The following ZNF718 variants were observed in gnomAD, a reference collection of about 807,000 sequenced individuals.
The protein encoded by ZNF718 is zinc finger protein 718.
ZNF718 carries 3 observed loss-of-function variants against 2.6 expected under a neutral mutation model. That is an observed-to-expected ratio of 1.16 (90% CI 0.53 to 3.01). The LOEUF (loss-of-function observed/expected upper bound fraction) is 3.01. Ranked by LOEUF, ZNF718 falls within the 30% of genes most tolerant of loss-of-function variation. The pLI is 0.03. For missense variants in ZNF718, 468 were observed against 230.0 expected (o/e 2.03, Z -6.69); for synonymous variants, 135 against 77.9 (o/e 1.73, Z -3.86).
intron 3 of ZNF718, among the ~76,000 whole-genome samples, chr4:170,476 C>T (rs1350894387): frequency 1.3e-5 from 2 of 152,234 alleles, no homozygotes; most frequent in Admixed American, 1.3e-4. Context: ...CTGTCACTTT[C>T]AGGTACACCA....
At chr4:133,201 T>A (rs1469962189) in intron 3 of ZNF718, among the ~76,000 whole-genome samples, 1,682 of 17,346 alleles carry the variant, frequency 0.097, 162 homozygotes, top group African/African-American at 0.11. Context: ...AAAAAATATA[T>A]ATATATATAT....
chr4:134,946 G>T (rs115503695), intron 3 of ZNF718, among the ~76,000 whole-genome samples: 26 of 152,124 alleles, frequency 1.7e-4, no homozygotes, highest in Non-Finnish European at 3.2e-4. Flanking sequence ...AGTTAATGTA[G>T]AAAGTTTATT....
At chr4:129,853 A>G (rs1177012495) in intron 1 of ZNF718, among the ~76,000 whole-genome samples, 1 of 104,034 alleles carries the variant, frequency 9.6e-6, no homozygotes. Context: ...CCTGGGAAGC[A>G]TGGGACTACT....
chr4:165,362 T>TCC (rs1581468982), downstream of ZNF718, among the ~76,000 whole-genome samples: 1 of 152,174 alleles, frequency 6.6e-6, no homozygotes, highest in East Asian at 1.9e-4. Context: ...AAAGAAAAAT[T>TCC]TTATGAAATT....
At chr4:147,905 G>T (rs1382141236) in intron 3 of ZNF718, among the ~76,000 whole-genome samples, 1 of 152,116 alleles carries the variant, frequency 6.6e-6, no homozygotes, top group African/African-American at 2.4e-5. Flanking sequence ...TGGGGGTGCT[G>T]ATACAGTAAT....
In ZNF718 at chr4:161,740, C is replaced by T. The variant is rs116083456; in HGVS notation, c.1055C>T (p.Thr352Ile). Residue 352 changes from threonine (T) to isoleucine (I), a missense_variant, in exon 4 of 4, where the codon ACA becomes ATA. Transcript: ENST00000510175. ...EECGKSFNRS[T>I]TLTTHKRIHT... ...TGTGGAAAATCCTTTAATAGGTCCA[C>T]AACTCTTACGACACATAAGAGAATC... The T allele has an allele frequency of 7.7e-4, 601 of 779,904 alleles. 2 individuals carry two copies. In the African/African-American group the frequency reaches 8.5e-3, roughly 11 times the overall value. The allele number at this position is 779,904 out of a possible 1,614,324, so 48.3% of individuals were successfully genotyped here. A position where few individuals can be genotyped will look rare whatever the true frequency, so the allele number is the denominator to read the frequency against.
intron 3 of ZNF718, among the ~76,000 whole-genome samples, chr4:147,823 C>G (rs1716133825): frequency 6.6e-6 from 1 of 152,140 alleles, no homozygotes; most frequent in East Asian, 1.9e-4. Flanking sequence ...GAGATCACAC[C>G]ACTGCACTCC....
At chr4:157,099 CTTTCTTTTTTTTTTTTTTTT>C (rs1282425471) in intron 3 of ZNF718, among the ~76,000 whole-genome samples, 5 of 58,916 alleles carry the variant, frequency 8.5e-5, no homozygotes, top group African/African-American at 3.5e-4. Flanking sequence ...TTCTTTCTTT[CTTTCTTTTTTTTTTTTTTTT>C]TTTTTTTTTT....
At chr4:139,125 T>C (rs1715701030) in intron 3 of ZNF718, among the ~76,000 whole-genome samples, 1 of 152,208 alleles carries the variant, frequency 6.6e-6, no homozygotes, top group South Asian at 2.1e-4. Context: ...GCTCGTTAAC[T>C]GATGTGATTC....
At chr4:169,769 G>A (rs1256396889) in intron 3 of ZNF718, among the ~76,000 whole-genome samples, 2 of 152,110 alleles carry the variant, frequency 1.3e-5, no homozygotes, top group East Asian at 1.9e-4. Flanking sequence ...TTTCCTGAAT[G>A]CAGCACATTG....
At chr4:169,411 ACTTT>A (rs1553817542) in intron 3 of ZNF718, among the ~76,000 whole-genome samples, 1 of 151,696 alleles carries the variant, frequency 6.6e-6, no homozygotes, top group East Asian at 1.9e-4. Flanking sequence ...ATCCTTGTTA[ACTTT>A]CTGTCTCGTT....
chr4:179,056 T>C (rs1717405030), intron 3 of ZNF718, among the ~76,000 whole-genome samples: 1 of 152,360 alleles, frequency 6.6e-6, no homozygotes, highest in Non-Finnish European at 1.5e-5. Flanking sequence ...TAAAATATTT[T>C]CTTTGCATGC....
chr4:156,652 A>G (rs879956915), intron 3 of ZNF718, among the ~76,000 whole-genome samples: 76 of 152,296 alleles, frequency 5.0e-4, no homozygotes, highest in Admixed American at 3.7e-3. Flanking sequence ...TTGCAAAAAC[A>G]ATTGCTTTCT....
chr4:140,785 C>G (rs543302340), intron 3 of ZNF718, among the ~76,000 whole-genome samples: 2 of 152,164 alleles, frequency 1.3e-5, no homozygotes, highest in East Asian at 3.9e-4. Flanking sequence ...TTATGTCTAC[C>G]AAATTGGCTT....
At chr4:186,553 C>T (rs1553820506) in intron 3 of ZNF718, among the ~76,000 whole-genome samples, 2 of 152,138 alleles carry the variant, frequency 1.3e-5, no homozygotes, top group Admixed American at 6.5e-5. Context: ...AGGAAGTTCT[C>T]CTGGATGATA....
chr4:201,597 T>C (rs1444643338), intron 4 of ZNF718: 1 of 158,300 alleles, frequency 6.3e-6, no homozygotes, highest in Non-Finnish European at 1.4e-5. Flanking sequence ...CTTCTCAACA[T>C]TCAGTTCTAT....
chr4:199,037 C>T (rs2108819256), intron 3 of ZNF718, among the ~76,000 whole-genome samples: 1 of 152,290 alleles, frequency 6.6e-6, no homozygotes, highest in South Asian at 2.1e-4. Context: ...GTGTACTTAG[C>T]CACAGTGCAG....
At chr4:136,829 T>C (rs1027265503) in intron 3 of ZNF718, among the ~76,000 whole-genome samples, 2 of 152,340 alleles carry the variant, frequency 1.3e-5, no homozygotes, top group East Asian at 3.9e-4. Context: ...TCTTTTTAAA[T>C]CATTCATCTA....
At chr4:174,088 A>G (rs1581475159) in intron 3 of ZNF718, among the ~76,000 whole-genome samples, 1 of 152,246 alleles carries the variant, frequency 6.6e-6, no homozygotes, top group African/African-American at 2.4e-5. Flanking sequence ...CTATTTAGAT[A>G]AATTCCTCTA....
Sources: allele counts gnomAD v4.1 joint callset (sites outside exome capture counted in the v4.1 genomes callset), GRCh38; gene constraint gnomAD v4.1.1; transcripts MANE v1.5; gene names NCBI Gene and HGNC (gene_info 2026-07-23, HGNC 2026-07-21).